BLTP1: variants seen among roughly 807,000 people sequenced by gnomAD.
BLTP1 encodes the protein bridge-like lipid transfer protein family member 1.
At chr4:122,341,875 C>T in the BLTP1 span, 83 of 938,932 alleles carry the variant, frequency 8.8e-5, no homozygotes, top group East Asian at 6.8e-3. Context: ...TATGGGTTAG[C>T]GAAGCAGAGA....
At chr4:122,211,654 A>T in the BLTP1 span, among the ~76,000 whole-genome samples, 1 of 152,208 alleles carries the variant, frequency 6.6e-6, no homozygotes, top group Non-Finnish European at 1.5e-5. Flanking sequence ...GCTTAGAACA[A>T]AGAACAAGTG....
At chr4:122,213,474 T>C in the BLTP1 span, among the ~76,000 whole-genome samples, 1 of 152,078 alleles carries the variant, frequency 6.6e-6, no homozygotes, top group South Asian at 2.1e-4. Context: ...TTCTTGTTCA[T>C]GTATTTTCAT....
the BLTP1 span, chr4:122,280,035 T>C: frequency 6.2e-7 from 1 of 1,608,726 alleles, no homozygotes; most frequent in Non-Finnish European, 8.5e-7. Flanking sequence ...CCTCAGGGTA[T>C]TCTTTGCTGC....
the BLTP1 span, among the ~76,000 whole-genome samples, chr4:122,322,863 G>A: frequency 6.6e-6 from 1 of 151,940 alleles, no homozygotes; most frequent in Non-Finnish European, 1.5e-5. Context: ...TCTCCTAAGG[G>A]CATTTTTTCT....
the BLTP1 span, among the ~76,000 whole-genome samples, chr4:122,206,348 CAGAT>C: frequency 6.6e-6 from 1 of 151,764 alleles, no homozygotes. Context: ...AAACAAAAAA[CAGAT>C]AGATGATAGA....
chr4:122,202,496 A>G, the BLTP1 span: 1 of 742,418 alleles, frequency 1.3e-6, no homozygotes, highest in East Asian at 1.3e-4. Flanking sequence ...GTTGAGCTGG[A>G]ATTCTAACTC....
the BLTP1 span, chr4:122,273,164 A>C: frequency 7.5e-6 from 7 of 928,758 alleles, no homozygotes; most frequent in Non-Finnish European, 7.7e-6. Flanking sequence ...GGAAGTTATC[A>C]ATCACCATGT....
the BLTP1 span, chr4:122,256,155 C>G: frequency 3.0e-6 from 3 of 984,928 alleles, no homozygotes; most frequent in Non-Finnish European, 3.6e-6. Flanking sequence ...AATCTTTAGT[C>G]AAATTAGGGA....
the BLTP1 span, among the ~76,000 whole-genome samples, chr4:122,309,906 A>G: frequency 6.6e-6 from 1 of 152,148 alleles, no homozygotes; most frequent in Admixed American, 6.6e-5. Flanking sequence ...GTAGGAGTGC[A>G]GAGTGTAACA....
the BLTP1 span, among the ~76,000 whole-genome samples, chr4:122,317,577 T>A: frequency 1.3e-5 from 2 of 152,152 alleles, no homozygotes; most frequent in Admixed American, 6.5e-5. Flanking sequence ...CAATTTTATT[T>A]TCCCAAAAGG....
chr4:122,245,789 T>C, the BLTP1 span, among the ~76,000 whole-genome samples: 1 of 151,862 alleles, frequency 6.6e-6, no homozygotes, highest in Non-Finnish European at 1.5e-5. Context: ...AGTAGAAGAG[T>C]GAAAAAAAGA....
the BLTP1 span, chr4:122,219,182 CAT>C: frequency 3.1e-6 from 3 of 980,480 alleles, no homozygotes; most frequent in African/African-American, 3.5e-5. Flanking sequence ...TAAGTCTTAA[CAT>C]ATGTTTTCTT....
chr4:122,192,172 A>C, the BLTP1 span: 1 of 1,572,456 alleles, frequency 6.4e-7, no homozygotes, highest in Admixed American at 1.8e-5. Context: ...GATCTAAGGA[A>C]ACTTTTTAAT....
chr4:122,249,702 T>C, the BLTP1 span: 1 of 1,613,050 alleles, frequency 6.2e-7, no homozygotes, highest in East Asian at 2.2e-5. Context: ...TTTTATTGAA[T>C]TCTGCTTAAG....
the BLTP1 span, among the ~76,000 whole-genome samples, chr4:122,294,439 TACCTGGTGCAGGAGGA>T: frequency 5.9e-5 from 9 of 152,140 alleles, no homozygotes; most frequent in Non-Finnish European, 7.4e-5. Flanking sequence ...CCTTCACTGA[TACCTGGTGCAGGAGGA>T]ACCTGGTGCA....
chr4:122,255,293 T>C, the BLTP1 span: 2,051 of 1,558,614 alleles, frequency 1.3e-3, 28 homozygotes, highest in African/African-American at 0.026. Flanking sequence ...GGTAAGTTAC[T>C]GAAACTACAT....
chr4:122,298,927 G>A, the BLTP1 span: 5 of 985,264 alleles, frequency 5.1e-6, no homozygotes, highest in Non-Finnish European at 4.8e-6. Context: ...AAGACTTGCA[G>A]TAATTGTTGT....
chr4:122,244,979 A>G, the BLTP1 span: 549 of 1,596,730 alleles, frequency 3.4e-4, 5 homozygotes, highest in African/African-American at 6.7e-3. Context: ...TTGTAGAATC[A>G]ACGACATTTA....
chr4:122,174,969 T>C, the BLTP1 span: 1 of 842,418 alleles, frequency 1.2e-6, no homozygotes, highest in Non-Finnish European at 1.4e-6. Flanking sequence ...TACAGCAAGG[T>C]TTAGAGATGT....
Sources: allele counts gnomAD v4.1 joint callset (sites outside exome capture counted in the v4.1 genomes callset), GRCh38; gene constraint gnomAD v4.1.1; transcripts MANE v1.5; gene names NCBI Gene and HGNC (gene_info 2026-07-23, HGNC 2026-07-21).